GABRB1: variants seen among roughly 807,000 people sequenced by gnomAD.
GABRB1 encodes gamma-aminobutyric acid type A receptor subunit beta1, also known as gamma-aminobutyric acid receptor subunit beta-1.
In GABRB1, 17 loss-of-function variants were observed where a neutral mutation model predicts 51.6. That is an observed-to-expected ratio of 0.33 (90% confidence interval 0.23 to 0.49). The LOEUF is 0.49. Among genes scored for constraint, GABRB1 ranks in the 20% least tolerant of loss-of-function variants. GABRB1 has a pLI of 0.99. For missense variants in GABRB1, 410 were observed against 600.6 expected, an observed-to-expected ratio of 0.68 and a Z score of 3.32; for synonymous variants, 247 against 218.9, an observed-to-expected ratio of 1.13 and a Z score of -1.14.
At chr4:47,259,202 C>T (rs1239041122) in intron 4 of GABRB1, among the ~76,000 whole-genome samples, 1 of 152,084 alleles carries the variant, frequency 6.6e-6, no homozygotes, top group African/African-American at 2.4e-5. Context: ...CAAACAAATC[C>T]AGCCTTCACA....
chr4:47,333,229 TATATATAC>T (rs201502071), intron 5 of GABRB1, among the ~76,000 whole-genome samples: 2,899 of 25,910 alleles, frequency 0.11, 107 homozygotes, highest in Middle Eastern at 0.19. Context: ...TATATATATA[TATATATAC>T]ACACCACGTA....
intron 3 of GABRB1, among the ~76,000 whole-genome samples, chr4:47,139,733 A>G (rs1305546819): frequency 6.6e-6 from 1 of 152,038 alleles, no homozygotes; most frequent in Non-Finnish European, 1.5e-5. Context: ...TCTCTACTGT[A>G]GTGCTCTCAA....
intron 4 of GABRB1, among the ~76,000 whole-genome samples, chr4:47,184,225 C>T (rs1719072534): frequency 6.6e-6 from 1 of 151,872 alleles, no homozygotes; most frequent in Admixed American, 6.6e-5. Flanking sequence ...CCAAAACAGC[C>T]AACGTTTTAT....
intron 4 of GABRB1, among the ~76,000 whole-genome samples, chr4:47,281,940 T>A (rs1272094206): frequency 1.3e-5 from 2 of 152,160 alleles, no homozygotes; most frequent in African/African-American, 4.8e-5. Context: ...TCAGTTAAAC[T>A]GGGAGAATAA....
chr4:47,241,855 A>T (rs1721535796), intron 4 of GABRB1, among the ~76,000 whole-genome samples: 1 of 151,954 alleles, frequency 6.6e-6, no homozygotes, highest in South Asian at 2.1e-4. Flanking sequence ...AAATTCATTA[A>T]AGGTTTTTTT....
At chr4:47,407,959 G>A (rs746966100) in intron 8 of GABRB1, among the ~76,000 whole-genome samples, 1 of 152,152 alleles carries the variant, frequency 6.6e-6, no homozygotes, top group African/African-American at 2.4e-5. Context: ...GGGCATTGTG[G>A]TGTTTGCCTG....
intron 4 of GABRB1, among the ~76,000 whole-genome samples, chr4:47,290,662 G>A (rs963234211): frequency 6.6e-6 from 1 of 151,972 alleles, no homozygotes; most frequent in East Asian, 1.9e-4. Context: ...CTGAGGTGAT[G>A]TCAGAAGGAG....
chr4:47,336,687 TA>T (rs2109982080), intron 5 of GABRB1, among the ~76,000 whole-genome samples: 1 of 152,346 alleles, frequency 6.6e-6, no homozygotes, highest in Non-Finnish European at 1.5e-5. Flanking sequence ...ATGTCCCTGA[TA>T]GTGCAAGTTG....
chr4:47,305,428 T>G (rs1442422632), intron 4 of GABRB1, among the ~76,000 whole-genome samples: 1 of 152,154 alleles, frequency 6.6e-6, no homozygotes, highest in Non-Finnish European at 1.5e-5. Context: ...ACTGGTTGTC[T>G]TCTTTCTTCT....
chr4:47,271,705 A>T (rs1722880835), intron 4 of GABRB1, among the ~76,000 whole-genome samples: 1 of 152,134 alleles, frequency 6.6e-6, no homozygotes, highest in Non-Finnish European at 1.5e-5. Context: ...ATATATCATC[A>T]GTAACGTTTC....
At chr4:47,234,460 C>A (rs528817921) in intron 4 of GABRB1, among the ~76,000 whole-genome samples, 1 of 151,284 alleles carries the variant, frequency 6.6e-6, no homozygotes, top group East Asian at 1.9e-4. Context: ...GCTCTCCAGC[C>A]TGGGCAACAA....
At chr4:47,357,759 T>C (rs538852316) in intron 5 of GABRB1, among the ~76,000 whole-genome samples, 23 of 152,294 alleles carry the variant, frequency 1.5e-4, no homozygotes, top group African/African-American at 4.8e-4. Context: ...ACAGCATTTA[T>C]TTTGGCAATG....
chr4:47,022,392 G>A (rs1240023762), intron 1 of GABRB1, among the ~76,000 whole-genome samples: 1 of 151,968 alleles, frequency 6.6e-6, no homozygotes, highest in African/African-American at 2.4e-5. Flanking sequence ...TAAAAACATT[G>A]CTTCATTGTT....
At chr4:47,384,953 A>G (rs1040156446) in intron 5 of GABRB1, among the ~76,000 whole-genome samples, 4 of 152,234 alleles carry the variant, frequency 2.6e-5, no homozygotes, top group Non-Finnish European at 4.4e-5. Flanking sequence ...TAAAAACATT[A>G]TGATACTGAC....
intron 3 of GABRB1, among the ~76,000 whole-genome samples, chr4:47,058,026 C>A (rs1248270842): frequency 6.6e-6 from 1 of 152,150 alleles, no homozygotes; most frequent in African/African-American, 2.4e-5. Context: ...ATGCATAGCA[C>A]AGATTTTTCA....
chr4:47,052,443 G>A (rs1726392634), intron 3 of GABRB1, among the ~76,000 whole-genome samples: 1 of 152,200 alleles, frequency 6.6e-6, no homozygotes, highest in South Asian at 2.1e-4. Context: ...CAGGCAAGGG[G>A]GAGAGGTAAT....
rs1217229454 is a variant in GABRB1, at chr4:47,282,016, T to G, written c.462-38111T>G. The stretch of plus-strand genomic sequence containing the variant: ...ATGTATTATGTATTAGTACTTAATA[T>G]GTGCTATTGCTAGAATATTTAATGT... On this transcript the variant is annotated intron_variant, in intron 4 of 8. Coordinates refer to ENST00000295454, the MANE Select transcript of GABRB1 (RefSeq NM_000812.4). Among the ~76,000 whole-genome samples, 3 of 152,280 alleles carry G rather than the reference T, an allele frequency of 2.0e-5. No homozygotes were observed. In the East Asian group the frequency reaches 5.8e-4, roughly 29 times the overall value.
intron 5 of GABRB1, among the ~76,000 whole-genome samples, chr4:47,328,448 C>T (rs1299057743): frequency 6.6e-6 from 1 of 152,132 alleles, no homozygotes; most frequent in Non-Finnish European, 1.5e-5. Context: ...AATCATGCTG[C>T]TATAAAGACA....
chr4:47,366,169 C>T (rs1292479565), intron 5 of GABRB1, among the ~76,000 whole-genome samples: 1 of 152,140 alleles, frequency 6.6e-6, no homozygotes, highest in Non-Finnish European at 1.5e-5. Context: ...GCTATTGTGC[C>T]ATCTGGAATG....
Sources: allele counts gnomAD v4.1 joint callset (sites outside exome capture counted in the v4.1 genomes callset), GRCh38; gene constraint gnomAD v4.1.1; transcripts MANE v1.5; gene names NCBI Gene and HGNC (gene_info 2026-07-23, HGNC 2026-07-21).